LHFPL3: variants seen among roughly 807,000 people sequenced by gnomAD.
LHFPL3 encodes the protein LHFPL tetraspan subfamily member 3 protein.
A neutral mutation model predicts 19.3 loss-of-function variants in LHFPL3; 5 were observed. That is an observed-to-expected ratio of 0.26 (90% CI 0.14 to 0.54). The LOEUF (loss-of-function observed/expected upper bound fraction) is 0.54. LHFPL3 is among the 20% of genes least tolerant of loss of function. The pLI is 0.94. For missense variants in LHFPL3, 249 were observed against 307.4 expected, an observed-to-expected ratio of 0.81 and a Z score of 1.42; for synonymous variants, 133 against 126.2, an observed-to-expected ratio of 1.05 and a Z score of -0.36.
chr7:104,720,414 G>A (rs575534969), intron 1 of LHFPL3, among the ~76,000 whole-genome samples: 1 of 152,128 alleles, frequency 6.6e-6, no homozygotes, highest in African/African-American at 2.4e-5. Flanking sequence ...AGACTTACAT[G>A]TTAGACCTAA....
At chr7:104,819,614 G>A (rs1790639049) in intron 2 of LHFPL3, among the ~76,000 whole-genome samples, 1 of 152,166 alleles carries the variant, frequency 6.6e-6, no homozygotes, top group Non-Finnish European at 1.5e-5. Context: ...TAAAGTATAT[G>A]TGCTTCAGCA....
intron 2 of LHFPL3, among the ~76,000 whole-genome samples, chr7:104,849,060 A>G (rs987980625): frequency 6.6e-6 from 1 of 152,004 alleles, no homozygotes; most frequent in Non-Finnish European, 1.5e-5. Flanking sequence ...CCACCCAAGT[A>G]GCTGGGACTA....
At chr7:104,829,448 T>G (rs1269435742) in intron 2 of LHFPL3, among the ~76,000 whole-genome samples, 3 of 151,938 alleles carry the variant, frequency 2.0e-5, no homozygotes, top group Non-Finnish European at 4.4e-5. Context: ...TCATTTAGCA[T>G]TAGGTATATC....
chr7:104,388,053 T>C (rs1025369033), intron 1 of LHFPL3, among the ~76,000 whole-genome samples: 5 of 152,172 alleles, frequency 3.3e-5, no homozygotes, highest in African/African-American at 9.7e-5. Context: ...TTTGGTGTTC[T>C]TGTGTTAGTT....
chr7:104,674,970 C>G (rs954990223), intron 1 of LHFPL3, among the ~76,000 whole-genome samples: 1 of 152,134 alleles, frequency 6.6e-6, no homozygotes, highest in African/African-American at 2.4e-5. Flanking sequence ...GGGTACTATT[C>G]TAGGTAGTGA....
intron 1 of LHFPL3, among the ~76,000 whole-genome samples, chr7:104,490,078 T>G (rs1371378703): frequency 6.6e-6 from 1 of 152,208 alleles, no homozygotes; most frequent in Non-Finnish European, 1.5e-5. Flanking sequence ...GTCTCATCAT[T>G]ATGTCCTTGT....
At chr7:104,684,746 C>A (rs1309880400) in intron 1 of LHFPL3, among the ~76,000 whole-genome samples, 2 of 152,146 alleles carry the variant, frequency 1.3e-5, no homozygotes, top group African/African-American at 2.4e-5. Flanking sequence ...CTAAGCAGCC[C>A]TAGACACTCT....
At chr7:104,478,061 T>G (rs188112998) in intron 1 of LHFPL3, among the ~76,000 whole-genome samples, 75 of 152,358 alleles carry the variant, frequency 4.9e-4, no homozygotes, top group African/African-American at 1.7e-3. Context: ...ATGTTAAATG[T>G]CAGTGCTTTG....
chr7:104,580,009 C>T (rs1790426589), intron 1 of LHFPL3, among the ~76,000 whole-genome samples: 1 of 152,174 alleles, frequency 6.6e-6, no homozygotes, highest in Non-Finnish European at 1.5e-5. Context: ...AAATTGTTAA[C>T]TATCGACTAT....
At chr7:104,508,543 G>A (rs532281433) in intron 1 of LHFPL3, among the ~76,000 whole-genome samples, 7 of 150,880 alleles carry the variant, frequency 4.6e-5, no homozygotes, top group East Asian at 3.9e-4. Flanking sequence ...ACACCAGCAC[G>A]GCACATGTAT....
intron 1 of LHFPL3, among the ~76,000 whole-genome samples, chr7:104,484,728 G>C (rs1211399718): frequency 6.6e-6 from 1 of 152,166 alleles, no homozygotes; most frequent in Non-Finnish European, 1.5e-5. Context: ...ACCTGGTCAG[G>C]GTGTTCATGC....
At chr7:104,738,136 T>C (rs1023176279) in intron 2 of LHFPL3, among the ~76,000 whole-genome samples, 10 of 152,176 alleles carry the variant, frequency 6.6e-5, no homozygotes, top group African/African-American at 2.4e-4. Flanking sequence ...CTATCAAAAA[T>C]ATTCTAAACA....
intron 1 of LHFPL3, among the ~76,000 whole-genome samples, chr7:104,350,099 G>A (rs1790144247): frequency 1.3e-5 from 2 of 152,118 alleles, no homozygotes; most frequent in Admixed American, 1.3e-4. Context: ...AGAGAGATTA[G>A]GAAATATTGC....
intron 2 of LHFPL3, among the ~76,000 whole-genome samples, chr7:104,867,340 TAAAG>T (rs1266211586): frequency 6.6e-6 from 1 of 151,420 alleles, no homozygotes. Flanking sequence ...GCAAGACTAA[TAAAG>T]AAGAAAAGAG....
At chr7:104,478,104 A>AT (rs1339874607) in intron 1 of LHFPL3, among the ~76,000 whole-genome samples, 9 of 152,160 alleles carry the variant, frequency 5.9e-5, no homozygotes, top group Non-Finnish European at 8.8e-5. Context: ...TTTATCCTTA[A>AT]TTTTTTGTGG....
intron 1 of LHFPL3, among the ~76,000 whole-genome samples, chr7:104,430,102 A>G (rs1027024062): frequency 1.3e-5 from 2 of 150,656 alleles, no homozygotes; most frequent in African/African-American, 5.0e-5. Flanking sequence ...TAGAAACAAC[A>G]TAGGAAAAAA....
chr7:104,792,722 GT>G (rs1328688479), intron 2 of LHFPL3, among the ~76,000 whole-genome samples: 1 of 152,132 alleles, frequency 6.6e-6, no homozygotes, highest in African/African-American at 2.4e-5. Flanking sequence ...AATATGCTGA[GT>G]TTGGATAGCT....
chr7:104,722,337 A>G (rs924764404), intron 1 of LHFPL3, among the ~76,000 whole-genome samples: 1 of 152,196 alleles, frequency 6.6e-6, no homozygotes, highest in African/African-American at 2.4e-5. Context: ...TTTTCTCATC[A>G]TCAGACACAA....
intron 1 of LHFPL3, among the ~76,000 whole-genome samples, chr7:104,464,262 G>T (rs1021845028): frequency 1.3e-5 from 2 of 152,230 alleles, no homozygotes; most frequent in Non-Finnish European, 2.9e-5. Flanking sequence ...CTCTGCCCCT[G>T]TGTCTTTGCA....
Sources: allele counts gnomAD v4.1 joint callset (sites outside exome capture counted in the v4.1 genomes callset), GRCh38; gene constraint gnomAD v4.1.1; transcripts MANE v1.5; gene names NCBI Gene and HGNC (gene_info 2026-07-23, HGNC 2026-07-21).